Variants in AGBL4 observed in about 807,000 individuals in gnomAD.
AGBL4 encodes the protein cytosolic carboxypeptidase 6.
AGBL4 carries 58 observed loss-of-function variants against 66.4 expected under a neutral mutation model. That is an observed-to-expected ratio of 0.87 (90% CI 0.71 to 1.09). The LOEUF is 1.09. AGBL4 is among the 50% of genes least tolerant of loss of function. AGBL4 has a pLI of 0.00. For synonymous variants in AGBL4, 234 were observed against 222.9 expected (o/e 1.05, Z -0.44); for missense variants, 579 against 631.0 (o/e 0.92, Z 0.88).
At chr1:49,144,983 T>C (rs1247727265) in intron 4 of AGBL4, among the ~76,000 whole-genome samples, 3 of 152,122 alleles carry the variant, frequency 2.0e-5, no homozygotes, top group Non-Finnish European at 4.4e-5. Context: ...GGAGAGAAAG[T>C]TGCTGGAGCT....
chr1:48,913,491 GT>G (rs1653322247), intron 5 of AGBL4, among the ~76,000 whole-genome samples: 1 of 152,122 alleles, frequency 6.6e-6, no homozygotes, highest in East Asian at 1.9e-4. Flanking sequence ...TCCACCTCCT[GT>G]CAGATCAACA....
chr1:49,534,316 CA>C (rs1262957727), intron 3 of AGBL4, among the ~76,000 whole-genome samples: 1 of 151,100 alleles, frequency 6.6e-6, no homozygotes, highest in East Asian at 2.0e-4. Context: ...GTCAAAAAAG[CA>C]ATTTACAAAG....
intron 3 of AGBL4, among the ~76,000 whole-genome samples, chr1:49,297,306 G>A (rs1164471144): frequency 6.6e-6 from 1 of 152,228 alleles, no homozygotes; most frequent in Non-Finnish European, 1.5e-5. Context: ...AACAGATTGA[G>A]AGCAGGAAGC....
At chr1:49,181,309 CTTCA>C (rs975800189) in intron 4 of AGBL4, among the ~76,000 whole-genome samples, 1 of 152,146 alleles carries the variant, frequency 6.6e-6, no homozygotes, top group African/African-American at 2.4e-5. Flanking sequence ...CATTGAGGTT[CTTCA>C]GAAAACCATC....
chr1:49,562,791 G>A (rs927104835), intron 3 of AGBL4, among the ~76,000 whole-genome samples: 8 of 152,060 alleles, frequency 5.3e-5, no homozygotes, highest in African/African-American at 1.9e-4. Flanking sequence ...TGGCAATGTG[G>A]GCTCTTTGTT....
intron 4 of AGBL4, among the ~76,000 whole-genome samples, chr1:49,218,792 C>A (rs1649274510): frequency 6.6e-6 from 1 of 152,222 alleles, no homozygotes; most frequent in African/African-American, 2.4e-5. Flanking sequence ...GGGAGGGACA[C>A]AGCGGGAGGT....
intron 3 of AGBL4, among the ~76,000 whole-genome samples, chr1:49,647,619 GA>G (rs1401873607): frequency 6.6e-6 from 1 of 152,142 alleles, no homozygotes; most frequent in Non-Finnish European, 1.5e-5. Flanking sequence ...CAGGCAGGGG[GA>G]GGGTGAAATA....
At chr1:48,985,974 T>A (rs888586850) in intron 5 of AGBL4, among the ~76,000 whole-genome samples, 3 of 152,092 alleles carry the variant, frequency 2.0e-5, no homozygotes, top group African/African-American at 7.2e-5. Context: ...AAGATATAAA[T>A]CAAGCGTCTG....
intron 2 of AGBL4, among the ~76,000 whole-genome samples, chr1:49,707,662 T>C (rs956817477): frequency 6.6e-6 from 1 of 152,092 alleles, no homozygotes; most frequent in African/African-American, 2.4e-5. Flanking sequence ...GGTCTCTACA[T>C]TTTGGTATGG....
At chr1:49,925,995 C>T (rs1652729326) in intron 1 of AGBL4, among the ~76,000 whole-genome samples, 1 of 152,206 alleles carries the variant, frequency 6.6e-6, no homozygotes, top group South Asian at 2.1e-4. Context: ...GGCTTTGCCA[C>T]CTGCTGACTG....
intron 5 of AGBL4, among the ~76,000 whole-genome samples, chr1:48,975,404 T>C (rs1372842846): frequency 1.3e-5 from 2 of 152,046 alleles, no homozygotes; most frequent in Non-Finnish European, 2.9e-5. Flanking sequence ...AGACCCAAAA[T>C]TACTGTGGTC....
At chr1:49,725,377 C>T (rs184950764) in intron 2 of AGBL4, among the ~76,000 whole-genome samples, 19 of 152,174 alleles carry the variant, frequency 1.2e-4, no homozygotes, top group Admixed American at 1.0e-3. Flanking sequence ...AAGCTAACAG[C>T]GAAATAATGC....
intron 6 of AGBL4, among the ~76,000 whole-genome samples, chr1:48,723,688 T>C (rs1647185155): frequency 6.6e-6 from 1 of 152,252 alleles, no homozygotes; most frequent in African/African-American, 2.4e-5. Context: ...CAGTCTTGGC[T>C]ATAATAAAAG....
chr1:50,023,871 C>T lies in AGBL4; in HGVS notation c.-75G>A, dbSNP rs568226929. ...GGGAGCGGGTGGTGGGATCAGTGGG[C>T]TGACAGGAGCTACCTCAGGAAGACG... On this transcript the variant is annotated 5_prime_UTR_variant, in exon 1 of 14. Coordinates refer to ENST00000371839, the MANE Select transcript of AGBL4 (RefSeq NM_032785.4). The T allele has an allele frequency of 1.4e-5, 21 of 1,479,060 alleles. No individual in the cohort carries two copies. The highest frequency in any genetic ancestry group is 1.9e-5 in the Non-Finnish European group (21 of 1,099,660). 91.6% of individuals were successfully genotyped at this position (1,479,060 alleles called of 1,614,324 possible).
intron 3 of AGBL4, among the ~76,000 whole-genome samples, chr1:49,570,615 G>T (rs1297124644): frequency 1.3e-5 from 2 of 151,926 alleles, no homozygotes; most frequent in East Asian, 3.9e-4. Context: ...ATCTATTTTT[G>T]TTTTGTTGCC....
intron 3 of AGBL4, among the ~76,000 whole-genome samples, chr1:49,553,080 GA>G (rs781657746): frequency 6.6e-5 from 10 of 152,068 alleles, no homozygotes; most frequent in East Asian, 5.8e-4. Flanking sequence ...ACAGAGGAAA[GA>G]AAAAAATATA....
chr1:49,736,088 G>A lies in AGBL4; in HGVS notation c.158-38651C>T, dbSNP rs190065038. 1.2e-3 allele frequency among the ~76,000 whole-genome samples: 185 copies of A among 152,070 alleles called. 1 individual carries two copies. Among genetic ancestry groups the A allele is most frequent in the African/African-American group, 4.0e-3 (164 of 41,484 alleles). On this transcript the variant is annotated intron_variant, in intron 2 of 13. Coordinates refer to ENST00000371839, the MANE Select transcript of AGBL4 (RefSeq NM_032785.4). The stretch of plus-strand genomic sequence containing the variant: ...ATGCACATACTGGCAATCTCAGAAG[G>A]AGAGGAAATAAAGAAAAAAGGGAAA...
chr1:49,404,445 C>T (rs983262718), intron 3 of AGBL4, among the ~76,000 whole-genome samples: 2 of 152,134 alleles, frequency 1.3e-5, no homozygotes, highest in Non-Finnish European at 2.9e-5. Flanking sequence ...TTCTTTAAGC[C>T]ATCCAGTCAT....
At chr1:49,406,529 T>C (rs1645202323) in intron 3 of AGBL4, among the ~76,000 whole-genome samples, 2 of 152,164 alleles carry the variant, frequency 1.3e-5, no homozygotes, top group African/African-American at 4.8e-5. Flanking sequence ...CCTATATAAA[T>C]ATATGATAAT....
Sources: allele counts gnomAD v4.1 joint callset (sites outside exome capture counted in the v4.1 genomes callset), GRCh38; gene constraint gnomAD v4.1.1; transcripts MANE v1.5; gene names NCBI Gene and HGNC (gene_info 2026-07-23, HGNC 2026-07-21).